The following KIF14 variants were observed in gnomAD, a reference collection of about 807,000 sequenced individuals.
The protein encoded by KIF14 is kinesin family member 14.
Under a neutral mutation model 176.2 loss-of-function variants are expected in KIF14, and 98 were observed. That is an observed-to-expected ratio of 0.56 (90% CI 0.47 to 0.66). KIF14 has a LOEUF of 0.66. KIF14 is among the 30% of genes least tolerant of loss of function. The pLI, the probability that KIF14 is intolerant of heterozygous loss-of-function variation, is 0.00. For missense variants in KIF14, 1,751 were observed against 1,920.4 expected (o/e 0.91, Z 1.65); for synonymous variants, 566 against 632.2 (o/e 0.90, Z 1.57).
At chr1:200,582,796 G>A (rs1370315795) in intron 19 of KIF14, among the ~76,000 whole-genome samples, 1 of 151,806 alleles carries the variant, frequency 6.6e-6, no homozygotes. Context: ...GTTGCAGTGA[G>A]CTGAGATTGC....
chr1:200,578,393 C>T (rs1658250405), intron 21 of KIF14, among the ~76,000 whole-genome samples: 1 of 151,958 alleles, frequency 6.6e-6, no homozygotes, highest in Non-Finnish European at 1.5e-5. Flanking sequence ...GTATATAGTT[C>T]CATATGGAGT....
Position 200,606,690 on chromosome 1 carries a change from C to A in KIF14, c.1607+56G>T. The A allele has an allele frequency of 2.9e-6, 4 of 1,372,718 alleles. No homozygotes were observed. The East Asian group carries it at 6.9e-5, about 24-fold the overall frequency. The allele number at this position is 1,372,718 out of a possible 1,614,324, so 85.0% of individuals were successfully genotyped here. The stretch of plus-strand genomic sequence containing the variant: ...TACAATAAAGATTATGGGAGAGTAA[C>A]ATTCACTCTATTCATTTGTTTTATC... On this transcript the variant is annotated intron_variant, in intron 6 of 29. Coordinates refer to ENST00000367350, the MANE Select transcript of KIF14 (RefSeq NM_014875.3).
intron 5 of KIF14, among the ~76,000 whole-genome samples, chr1:200,607,768 C>G (rs1274363038): frequency 6.6e-6 from 1 of 152,022 alleles, no homozygotes; most frequent in African/African-American, 2.4e-5. Flanking sequence ...GTGGTGAAAT[C>G]TCGGCTCACT....
At chr1:200,603,731 C>T (rs1659738240) in intron 9 of KIF14, 108 bp downstream of exon 9, 3 of 685,254 alleles carry the variant, frequency 4.4e-6, no homozygotes, top group Non-Finnish European at 7.8e-6. Context: ...CTATAAACTG[C>T]AGATAAAGAT....
In KIF14 at chr1:200,618,161, A is replaced by G; in HGVS notation, c.563T>C (p.Ile188Thr). Residue 188 changes from isoleucine to threonine, a missense_variant, in exon 2 of 30, where the codon ATT becomes ACT. Transcript: ENST00000367350. Reference sequence around the variant, plus strand: ...GTATTTCTTATCAGCCATCATTTCAATGACCTGTGGATCTTCATCTAAAGG... The same window carrying G: ...GTATTTCTTATCAGCCATCATTTCAGTGACCTGTGGATCTTCATCTAAAGG... ...SVPLDEDPQV[I>T]EMMADKKYKE... The G allele has an allele frequency of 6.2e-7, 1 of 1,614,056 alleles. No individual in the cohort carries two copies. The highest frequency in any genetic ancestry group is 1.3e-5 in the African/African-American group (1 of 75,056).
Position 200,553,542 on chromosome 1 carries a change from T to C in KIF14, c.4793A>G (p.Asn1598Ser). 1 of 1,614,102 alleles carries C rather than the reference T, an allele frequency of 6.2e-7. No individual in the cohort carries two copies. The highest frequency in any genetic ancestry group is 1.1e-5 in the South Asian group (1 of 91,074). The change falls in exon 30 of 30, where the codon AAT becomes AGT. Residue 1598 changes from asparagine to serine, a missense_variant. Coordinates refer to ENST00000367350, the MANE Select transcript of KIF14 (RefSeq NM_014875.3). ...TTGGTGTTCTTCTTTGGTATTTTGA[T>C]TATAAGTTTCCCAGGGTTTCAACAA... ...PDLLKPWETY[N>S]QNTKEEHQQS...
intron 21 of KIF14, among the ~76,000 whole-genome samples, chr1:200,576,769 T>A (rs1395955168): frequency 6.6e-6 from 1 of 152,204 alleles, no homozygotes; most frequent in Non-Finnish European, 1.5e-5. Context: ...TGAATATACT[T>A]CACGTTTATG....
At chr1:200,606,082 A>T (rs992510701) in intron 6 of KIF14, among the ~76,000 whole-genome samples, 188 bp from the exon 7 acceptor site, 1 of 152,166 alleles carries the variant, frequency 6.6e-6, no homozygotes, top group Non-Finnish European at 1.5e-5. Flanking sequence ...AAATAAAATA[A>T]TGCTTTAATT....
chr1:200,563,696 C>T (rs1657285354), intron 25 of KIF14, among the ~76,000 whole-genome samples: 1 of 152,068 alleles, frequency 6.6e-6, no homozygotes, highest in Admixed American at 6.6e-5. Flanking sequence ...CTGTACTCGG[C>T]CATTAATTTC....
intron 15 of KIF14, 139 bp from the exon 16 acceptor site, chr1:200,592,379 CT>C (rs952676970): frequency 2.0e-4 from 129 of 646,724 alleles, no homozygotes; most frequent in South Asian, 2.6e-4. Flanking sequence ...ACATTTATTA[CT>C]TTTTTTTTCT....
chr1:200,586,477 CAT>C (rs1200844109), intron 18 of KIF14, among the ~76,000 whole-genome samples: 14 of 151,956 alleles, frequency 9.2e-5, no homozygotes, highest in Admixed American at 9.2e-4. Flanking sequence ...ATATAGTTAA[CAT>C]GTTTTATGTG....
rs771180006 is a variant in KIF14, at chr1:200,581,238, T to G, written c.3298A>C (p.Ile1100Leu). The G allele has an allele frequency of 5.0e-6, 8 of 1,605,028 alleles. No homozygotes were observed. In the South Asian group the frequency reaches 6.7e-5, roughly 14 times the overall value. The change falls in exon 20 of 30, where the codon ATC becomes CTC. Residue 1100 changes from isoleucine to leucine, a missense_variant. By Grantham distance (5) the Ile-to-Leu change is conservative. Transcript: ENST00000367350. ...LSMMIQEANA[I>L]SSKLKTYYVF... Reference sequence around the variant, plus strand: ...TAGTATGTTTTCAATTTGCTGCTGATAGCATTGGCTTCCTGAATCATCATT... The same window carrying G: ...TAGTATGTTTTCAATTTGCTGCTGAGAGCATTGGCTTCCTGAATCATCATT...
At chr1:200,602,106 C>A (rs1168175373) in intron 10 of KIF14, 38 bp from the exon 11 acceptor site, 3 of 1,562,048 alleles carry the variant, frequency 1.9e-6, no homozygotes, top group Non-Finnish European at 2.6e-6. Context: ...GCTTCTACAA[C>A]AACTTAATAA....
At chr1:200,608,554 G>A (rs1432766160) in intron 5 of KIF14, among the ~76,000 whole-genome samples, 1 of 151,966 alleles carries the variant, frequency 6.6e-6, no homozygotes, top group Non-Finnish European at 1.5e-5. Flanking sequence ...GTAGAGACAG[G>A]GTTTCACTGT....
At chr1:200,555,184 C>T (rs994583204) in intron 28 of KIF14, among the ~76,000 whole-genome samples, 196 bp downstream of exon 28, 4 of 152,030 alleles carry the variant, frequency 2.6e-5, no homozygotes, top group Non-Finnish European at 5.9e-5. Context: ...CTATACAATC[C>T]TTTATCCACT....
chr1:200,611,113 C>CA (rs951487258), intron 4 of KIF14, among the ~76,000 whole-genome samples: 33 of 152,132 alleles, frequency 2.2e-4, no homozygotes, highest in African/African-American at 7.5e-4. Context: ...ACTTTGCTTC[C>CA]AAACAGCTCT....
chr1:200,615,579 G>A lies in KIF14; in HGVS notation c.1143C>T (p.Val381=). 1 of 1,612,170 alleles carries A rather than the reference G, an allele frequency of 6.2e-7. No individual in the cohort carries two copies. The highest frequency in any genetic ancestry group is 8.5e-7 in the Non-Finnish European group (1 of 1,179,294). The change falls in exon 3 of 30, where the codon GTC becomes GTT. Residue 381 remains valine (V), a synonymous_variant. Coordinates refer to ENST00000367350, the MANE Select transcript of KIF14 (RefSeq NM_014875.3). ...CAGTTATTTCTTTCCCACTCATGAA[G>A]ACTACCTGGGATGCTTTTTCAATCT... ...REKIEKASQV[V]FMSGKEITVE...
chr1:200,571,289 T>C (rs1657772805), intron 22 of KIF14, among the ~76,000 whole-genome samples: 1 of 132,890 alleles, frequency 7.5e-6, no homozygotes, highest in Non-Finnish European at 1.5e-5. Context: ...CACTCCAGCC[T>C]GGGCGACAGA....
intron 2 of KIF14, among the ~76,000 whole-genome samples, chr1:200,616,990 GAC>G (rs201042293): frequency 0.017 from 2,540 of 152,078 alleles, 82 homozygotes; most frequent in African/African-American, 0.057. Context: ...TTTTTTTTGA[GAC>G]AGTCTCGTTC....
Sources: allele counts gnomAD v4.1 joint callset (sites outside exome capture counted in the v4.1 genomes callset), GRCh38; gene constraint gnomAD v4.1.1; transcripts MANE v1.5; gene names NCBI Gene and HGNC (gene_info 2026-07-23, HGNC 2026-07-21).